Variants in AAK1 observed in about 807,000 individuals in gnomAD.
AAK1 encodes AP2-associated protein kinase 1.
In AAK1, 37 loss-of-function variants were observed where a neutral mutation model predicts 116.0. The observed-to-expected ratio is 0.32, with a 90% CI of 0.25 to 0.42. The LOEUF (loss-of-function observed/expected upper bound fraction) is 0.42, where lower values mean the gene tolerates loss of function less well. Among genes scored for constraint, AAK1 ranks in the 10% least tolerant of loss-of-function variants. The pLI, the probability that AAK1 is intolerant of heterozygous loss-of-function variation, is 1.00. For missense variants in AAK1, 919 were observed against 1,170.6 expected (o/e 0.79, Z 3.14); for synonymous variants, 458 against 439.9 (o/e 1.04, Z -0.51).
At chr2:69,518,909 C>T in intron 12 of AAK1, 45 bp downstream of exon 12, 2 of 1,492,802 alleles carry the variant, frequency 1.3e-6, no homozygotes. Flanking sequence ...TTTTCACAGT[C>T]ATGACTCAGA....
chr2:69,554,951 T>C (rs1671328732), intron 3 of AAK1, among the ~76,000 whole-genome samples: 2 of 152,344 alleles, frequency 1.3e-5, no homozygotes, highest in East Asian at 1.9e-4. Context: ...TGCTTCTTAG[T>C]TCCTCCACTA....
At chr2:69,540,854 G>A (rs375264407) in intron 5 of AAK1, among the ~76,000 whole-genome samples, 32 of 152,164 alleles carry the variant, frequency 2.1e-4, no homozygotes, top group African/African-American at 7.2e-4. Flanking sequence ...AAAACAACTC[G>A]AATGTTCATC....
intron 2 of AAK1, among the ~76,000 whole-genome samples, chr2:69,583,116 G>A (rs1209264421): frequency 1.3e-5 from 2 of 152,192 alleles, no homozygotes; most frequent in African/African-American, 4.8e-5. Context: ...CCTTGAGCAA[G>A]TCACTATACT....
intron 2 of AAK1, among the ~76,000 whole-genome samples, chr2:69,570,220 A>T (rs1672038325): frequency 6.6e-6 from 1 of 151,944 alleles, no homozygotes; most frequent in African/African-American, 2.4e-5. Flanking sequence ...TCAGAACTTT[A>T]ACCTTTTTGC....
chr2:69,563,157 A>G (rs1476677977), intron 2 of AAK1, among the ~76,000 whole-genome samples: 1 of 152,228 alleles, frequency 6.6e-6, no homozygotes, highest in East Asian at 1.9e-4. Flanking sequence ...TGGAAGAAGA[A>G]GCAAGTAGTA....
In AAK1 at chr2:69,482,705, C is replaced by CT. The variant is rs1558897396; in HGVS notation, c.2467+5dup. The CT allele has an allele frequency of 6.3e-7, 1 of 1,595,498 alleles. No individual in the cohort carries two copies. The highest frequency in any genetic ancestry group is 8.6e-7 in the Non-Finnish European group (1 of 1,163,292). The stretch of plus-strand genomic sequence containing the variant: ...ATGACTGAAGAAACAGAGATGATGA[C>CT]TTTACCAATTACAGCATCAGAAGTG... On this transcript the variant is annotated splice_donor_region_variant and intron_variant, in intron 18 of 21. Coordinates refer to ENST00000409085, the MANE Select transcript of AAK1 (RefSeq NM_014911.5).
At chr2:69,591,722 C>T (rs1184051488) in intron 2 of AAK1, among the ~76,000 whole-genome samples, 10 of 151,850 alleles carry the variant, frequency 6.6e-5, no homozygotes, top group Admixed American at 1.3e-4. Flanking sequence ...AGGTGCCCAC[C>T]GCCACGCCTG....
Position 69,476,936 on chromosome 2 carries a change from T to C in AAK1, c.2735A>G (p.Lys912Arg), listed in dbSNP as rs1674878137. Reference protein sequence around the residue: ...SGFDVPEGSDKVAEDEFDPIP... With the variant: ...SGFDVPEGSDRVAEDEFDPIP... Reference sequence around the variant, plus strand: ...AGGGTCAAACTCATCTTCAGCCACCTTGTCCGAGCCCTCAGGGACATCAAA... The same window carrying C: ...AGGGTCAAACTCATCTTCAGCCACCCTGTCCGAGCCCTCAGGGACATCAAA... Residue 912 changes from lysine (K) to arginine (R), a missense_variant, in exon 21 of 22, where the codon AAG (lysine) becomes AGG (arginine). This residue lies in a region of AAK1 where 263 missense variants were observed against 285.5 expected (regional missense o/e 0.92). Coordinates refer to ENST00000409085, the MANE Select transcript of AAK1 (RefSeq NM_014911.5). 6.2e-7 allele frequency: 1 copy of C among 1,613,630 alleles called. No homozygotes were observed.
chr2:69,575,509 G>T (rs1297995803), intron 2 of AAK1, among the ~76,000 whole-genome samples: 1 of 130,894 alleles, frequency 7.6e-6, no homozygotes, highest in African/African-American at 3.0e-5. Flanking sequence ...CACTCTTGTC[G>T]CCCAGGCTGG....
At chr2:69,552,408 T>C (rs1671219162) in intron 3 of AAK1, among the ~76,000 whole-genome samples, 1 of 152,096 alleles carries the variant, frequency 6.6e-6, no homozygotes, top group Admixed American at 6.6e-5. Flanking sequence ...CTAAGACTCA[T>C]TATGCAAAAA....
intron 3 of AAK1, among the ~76,000 whole-genome samples, chr2:69,553,987 G>C (rs1245363928): frequency 6.6e-6 from 1 of 151,764 alleles, no homozygotes; most frequent in Non-Finnish European, 1.5e-5. Flanking sequence ...TGAGGTAGGA[G>C]AATTGCTTGA....
intron 5 of AAK1, among the ~76,000 whole-genome samples, chr2:69,542,174 T>C (rs910610648): frequency 3.3e-5 from 5 of 152,140 alleles, no homozygotes. Flanking sequence ...TTGCAAAATA[T>C]GAAATAAGAC....
intron 2 of AAK1, among the ~76,000 whole-genome samples, chr2:69,587,116 G>T (rs976913160): frequency 4.0e-5 from 6 of 149,822 alleles, no homozygotes; most frequent in Non-Finnish European, 7.4e-5. Context: ...ACAGGGTCTT[G>T]TTCTGTTGCC....
At chr2:69,484,857 A>AGC (rs1288374557) in intron 17 of AAK1, among the ~76,000 whole-genome samples, 2 of 151,570 alleles carry the variant, frequency 1.3e-5, no homozygotes, top group East Asian at 3.9e-4. Flanking sequence ...CCTGGGTGAC[A>AGC]GAGTGAGTCT....
At chr2:69,478,592 A>C in intron 20 of AAK1, 1 of 233,096 alleles carries the variant, frequency 4.3e-6, no homozygotes, top group Admixed American at 5.8e-5. Context: ...AGCTGGTACC[A>C]CCGGTGCATG....
chr2:69,557,370 C>A (rs1671430301), intron 2 of AAK1, among the ~76,000 whole-genome samples: 1 of 150,366 alleles, frequency 6.7e-6, no homozygotes, highest in Non-Finnish European at 1.5e-5. Context: ...GGCGTGATCA[C>A]TGCTCACTGC....
At chr2:69,617,113 G>A (rs1033620224) in intron 2 of AAK1, among the ~76,000 whole-genome samples, 2 of 152,094 alleles carry the variant, frequency 1.3e-5, no homozygotes, top group Non-Finnish European at 2.9e-5. Flanking sequence ...GCAGAACAGA[G>A]CCTCCCTGTG....
At chr2:69,560,838 G>A (rs187605665) in intron 2 of AAK1, among the ~76,000 whole-genome samples, 1 of 152,280 alleles carries the variant, frequency 6.6e-6, no homozygotes, top group East Asian at 1.9e-4. Context: ...AACACACAGT[G>A]AGCATTCAAT....
chr2:69,507,555 C>A lies in AAK1; in HGVS notation c.2030G>T (p.Gly677Val). ...GTTTTGTTGAGAGGTCCGAGGAGAG[C>A]CTGATGGAGTGGTGGTTGCAGACCT... ...KSKSATTTPS[G>V]SPRTSQQNVY... is the part of the protein sequence containing the mutation. The change falls in exon 15 of 22, where the codon GGC becomes GTC. Residue 677 changes from glycine to valine, a missense_variant. Around this residue, in one of 4 missense-constraint regions of AAK1, gnomAD observed 125 missense variants for 184.1 expected, o/e 0.68. Coordinates refer to ENST00000409085, the MANE Select transcript of AAK1 (RefSeq NM_014911.5). 6.2e-7 allele frequency: 1 copy of A among 1,611,436 alleles called. No homozygotes were observed. The highest frequency in any genetic ancestry group is 2.2e-5 in the East Asian group (1 of 44,842).
Sources: gnomAD v4.1 joint callset for allele counts (sites outside exome capture counted in the v4.1 genomes callset) on GRCh38, gnomAD v4.1.1 for gene constraint, gnomAD v4.1.1 regional missense constraint, MANE v1.5 for transcripts, NCBI Gene and HGNC (gene_info 2026-07-23, HGNC 2026-07-21) for gene names.